The following COX11 variants were observed in gnomAD, a reference collection of about 807,000 sequenced individuals.
The protein encoded by COX11 is cytochrome c oxidase assembly protein COX11, mitochondrial.
A neutral mutation model predicts 29.4 loss-of-function variants in COX11; 18 were observed. The ratio of observed to expected loss-of-function variants is 0.61; its 90% CI spans 0.42 to 0.91. COX11 has a LOEUF of 0.91. Among genes scored for constraint, COX11 ranks in the 40% least tolerant of loss-of-function variants. The probability of loss-of-function intolerance (pLI) is 0.00; values close to 1 mark genes in which losing one functional copy is unlikely to be tolerated. For missense variants in COX11, 312 were observed against 346.0 expected, an observed-to-expected ratio of 0.90 and a Z score of 0.78; for synonymous variants, 131 against 124.0, an observed-to-expected ratio of 1.06 and a Z score of -0.38.
In COX11 at chr17:54,961,248, A is replaced by C. The variant is rs1765849373; in HGVS notation, c.*1485T>G. 1 of 1,546,304 alleles carries C rather than the reference A, an allele frequency of 6.5e-7. No individual in the cohort carries two copies. Among genetic ancestry groups the C allele is most frequent in the Admixed American group, 2.0e-5 (1 of 50,976 alleles). ...TCTTTATTTTAGAAGAAAGTGGATG[A>C]TCAGCTCACTACCACATCAAAGGTG... On this transcript the variant is annotated 3_prime_UTR_variant, in exon 4 of 4. Coordinates refer to ENST00000299335, the MANE Select transcript of COX11 (RefSeq NM_004375.5).
At position 54,960,775 on chromosome 17, in the gene COX11, G is replaced by A; in HGVS notation, c.*1958C>T. 3 of 646,988 alleles carry A rather than the reference G, an allele frequency of 4.6e-6. No individual in the cohort carries two copies. The highest frequency in any genetic ancestry group is 2.7e-5 in the East Asian group (1 of 36,474). 40.1% of individuals were successfully genotyped at this position (646,988 alleles called of 1,614,324 possible). A position where few individuals can be genotyped will look rare whatever the true frequency, so the allele number is the denominator to read the frequency against. ...AGTTCCCCTGAATCATTCAAATTGT[G>A]CTGAACCATTGTTCACTAATGAGAG... On this transcript the variant is annotated 3_prime_UTR_variant, in exon 4 of 4. Coordinates refer to ENST00000299335, the MANE Select transcript of COX11 (RefSeq NM_004375.5).
At chr17:54,952,301 C>T (rs1189222930) in exon 1 of COX11, 9 of 152,238 alleles carry the variant, frequency 5.9e-5, no homozygotes, top group African/African-American at 2.2e-4. Flanking sequence ...CCCCTGTAAT[C>T]CCAGCACTTT....
chr17:54,955,379 T>A (rs1343042615), upstream of COX11, among the ~76,000 whole-genome samples: 1 of 152,194 alleles, frequency 6.6e-6, no homozygotes, highest in Non-Finnish European at 1.5e-5. Flanking sequence ...ACACTGTTCA[T>A]GTAACCTTTG....
rs1374148304 is a variant in COX11, at chr17:54,961,263, C to T, written c.*1470G>A. Reference sequence around the variant, plus strand: ...AAAGTGGATGATCAGCTCACTACCACATCAAAGGTGCCAACTCTCTAAAAC... The same window carrying T: ...AAAGTGGATGATCAGCTCACTACCATATCAAAGGTGCCAACTCTCTAAAAC... On this transcript the variant is annotated 3_prime_UTR_variant, in exon 4 of 4. Transcript: ENST00000299335. 6.4e-7 allele frequency: 1 copy of T among 1,551,104 alleles called. No homozygotes were observed.
Position 54,960,527 on chromosome 17 carries a change from T to C in COX11, c.*2206A>G, listed in dbSNP as rs759020598. ...TAAAAACCAAAATAGCACTTTGAAA[T>C]TGATACATAACCCTTTTGCTGTGAT... On this transcript the variant is annotated 3_prime_UTR_variant, in exon 4 of 4. Transcript: ENST00000299335. 2.4e-5 allele frequency: 37 copies of C among 1,561,132 alleles called. No individual in the cohort carries two copies. Among genetic ancestry groups the C allele is most frequent in the Non-Finnish European group, 2.9e-5 (33 of 1,133,700 alleles).
At chr17:54,968,700 C>T, upstream of COX11, 1 of 1,563,532 alleles carries the variant, frequency 6.4e-7, no homozygotes, top group African/African-American at 1.4e-5. Context: ...TCAAATCTCG[C>T]GAGGCGTGCT....
At chr17:54,963,811 G>C (rs2077173294) in intron 2 of COX11, among the ~76,000 whole-genome samples, 1 of 151,880 alleles carries the variant, frequency 6.6e-6, no homozygotes, top group African/African-American at 2.4e-5. Flanking sequence ...TTTTTAAAAA[G>C]ATACCAACAT....
downstream of COX11, among the ~76,000 whole-genome samples, chr17:54,956,031 G>A (rs1029917270): frequency 6.6e-6 from 1 of 152,190 alleles, no homozygotes; most frequent in Admixed American, 6.5e-5. Flanking sequence ...GAGCCTATAA[G>A]GGAGGTCAAG....
chr17:54,962,702 A>C lies in COX11; in HGVS notation c.*31T>G, dbSNP rs544191082. 4 of 1,598,844 alleles carry C rather than the reference A, an allele frequency of 2.5e-6. No individual in the cohort carries two copies. The East Asian group carries it at 6.7e-5, about 27-fold the overall frequency. On this transcript the variant is annotated 3_prime_UTR_variant, in exon 4 of 4. Coordinates refer to ENST00000299335, the MANE Select transcript of COX11 (RefSeq NM_004375.5). ...AGGATATATGATTTTCCCAAAAATC[A>C]CAACTTTGAAGGAAGACTTAGTTGC...
At chr17:54,959,441 G>C (rs940612971), downstream of COX11, 3 of 151,890 alleles carry the variant, frequency 2.0e-5, no homozygotes, top group African/African-American at 4.8e-5. Context: ...TTGCACCACT[G>C]CACTCCAGCC....
chr17:54,964,094 A>G (rs1460261310), intron 2 of COX11, among the ~76,000 whole-genome samples: 2 of 152,164 alleles, frequency 1.3e-5, no homozygotes, highest in African/African-American at 4.8e-5. Context: ...GGCTTTTCCA[A>G]TATGGGTTGA....
downstream of COX11, chr17:54,959,504 G>C (rs2077054629): frequency 6.6e-6 from 1 of 151,778 alleles, no homozygotes; most frequent in Non-Finnish European, 1.5e-5. Flanking sequence ...ACGAATGAAG[G>C]ATGTCATTGA....
rs772919201 is a variant in COX11 at position 54,968,449 on chromosome 17, T to C, written c.198A>G (p.Pro66=). 30 of 1,613,378 alleles carry C rather than the reference T, an allele frequency of 1.9e-5. No homozygotes were observed. Among genetic ancestry groups the C allele is most frequent in the Non-Finnish European group, 2.5e-5 (30 of 1,179,994 alleles). Residue 66 remains proline (P), a synonymous_variant, in exon 1 of 4, where the codon CCA becomes CCG. Transcript: ENST00000299335. ...WKRCSLRARH[P]ALQPPRRPKS... ...TAGGCCGCCGCGGCGGCTGCAATGC[T>C]GGATGCCGGGCTCGAAGGCTGCAGC...
At chr17:54,964,923 T>C in intron 1 of COX11, 71 bp from the exon 2 acceptor site, 1 of 1,458,426 alleles carries the variant, frequency 6.9e-7, no homozygotes, top group Admixed American at 1.8e-5. Context: ...GATAAAAGTT[T>C]AAAAACAATG....
downstream of COX11, chr17:54,958,293 C>CTAAA (rs2077002911): frequency 1.3e-5 from 2 of 152,166 alleles, no homozygotes; most frequent in Admixed American, 1.3e-4. Flanking sequence ...GATTGGAGAT[C>CTAAA]ATTGATGATT....
At chr17:54,965,147 C>T (rs1247758777) in intron 1 of COX11, among the ~76,000 whole-genome samples, 3 of 152,176 alleles carry the variant, frequency 2.0e-5, no homozygotes, top group African/African-American at 2.4e-5. Context: ...CACTGATAGT[C>T]GAACTCACAA....
At position 54,960,563 on chromosome 17, in the gene COX11, CAG is replaced by C. The variant is rs1303256290; in HGVS notation, c.*2168_*2169del. ...CCCTTTTGCTGTGATGGCTTTGTTT[CAG>C]AGCTATTTATGAAGAAATTGATGCT... On this transcript the variant is annotated 3_prime_UTR_variant, in exon 4 of 4. Transcript: ENST00000299335. 1 of 1,612,412 alleles carries C rather than the reference CAG, an allele frequency of 6.2e-7. No individual in the cohort carries two copies. Among genetic ancestry groups the C allele is most frequent in the Admixed American group, 1.7e-5 (1 of 59,984 alleles).
chr17:54,960,345 A>G (rs1034197824), downstream of COX11, among the ~76,000 whole-genome samples: 4 of 152,046 alleles, frequency 2.6e-5, no homozygotes, highest in East Asian at 7.7e-4. Flanking sequence ...AGCCTGGACA[A>G]AAGAGTGAGA....
In COX11 at chr17:54,963,405, C is replaced by A. The variant is rs202016653; in HGVS notation, c.549G>T (p.Ala183=). The A allele has an allele frequency of 5.0e-6, 8 of 1,611,700 alleles. No individual in the cohort carries two copies. The East Asian group carries it at 1.8e-4, about 36-fold the overall frequency. The change falls in exon 3 of 4, where the codon GCG becomes GCT. Residue 183 remains alanine (A), a synonymous_variant. Transcript: ENST00000299335. The stretch of plus-strand genomic sequence containing the variant: ...CAGTAGGATTCTTAGCTCTGTAAAA[C>A]GCCAGTGCAGTCTCTCCTGGCACCA... ...IYVVPGETAL[A]FYRAKNPTDK... is the part of the protein sequence containing the mutation.
Sources: allele counts gnomAD v4.1 joint callset (sites outside exome capture counted in the v4.1 genomes callset), GRCh38; gene constraint gnomAD v4.1.1; transcripts MANE v1.5; gene names NCBI Gene and HGNC (gene_info 2026-07-23, HGNC 2026-07-21).